C6: variants seen among roughly 807,000 people sequenced by gnomAD.
The protein encoded by C6 is complement component C6.
C6 carries 101 observed loss-of-function variants against 112.9 expected under a neutral mutation model. The observed-to-expected ratio is 0.89, with a 90% CI of 0.76 to 1.06. The LOEUF (loss-of-function observed/expected upper bound fraction) is 1.06. Among genes scored for constraint, C6 ranks in the 50% least tolerant of loss-of-function variants. The pLI is 0.00. For missense variants in C6, 1,202 were observed against 1,104.6 expected (o/e 1.09, Z -1.25); for synonymous variants, 431 against 384.1 (o/e 1.12, Z -1.43).
chr5:41,203,026 T>C, intron 2 of C6, 62 bp downstream of exon 2: 2 of 1,515,352 alleles, frequency 1.3e-6, no homozygotes, highest in South Asian at 2.3e-5. Flanking sequence ...ACTCCTGATG[T>C]TGCTGACTTC....
intron 17 of C6, among the ~76,000 whole-genome samples, chr5:41,149,007 A>G (rs981599517): frequency 1.3e-5 from 2 of 152,198 alleles, no homozygotes; most frequent in African/African-American, 4.8e-5. Context: ...GGTGGTACTG[A>G]TTACATATGC....
chr5:41,185,757 G>C (rs1003412633), intron 6 of C6, among the ~76,000 whole-genome samples: 1 of 152,142 alleles, frequency 6.6e-6, no homozygotes, highest in African/African-American at 2.4e-5. Context: ...TATCTGTGTG[G>C]AGCTATTTTA....
chr5:41,205,483 A>G (rs927128131), intron 1 of C6, among the ~76,000 whole-genome samples: 2 of 152,210 alleles, frequency 1.3e-5, no homozygotes, highest in African/African-American at 4.8e-5. Context: ...AAGGGAAGCC[A>G]TTACAGACAG....
intron 6 of C6, 63 bp downstream of exon 6, chr5:41,186,007 A>C (rs1052325157): frequency 1.9e-6 from 3 of 1,591,212 alleles, no homozygotes; most frequent in African/African-American, 1.3e-5. Flanking sequence ...CTAATTTTGC[A>C]TGAGAAATTT....
At chr5:41,179,759 CT>C (rs1441938897) in intron 7 of C6, among the ~76,000 whole-genome samples, 2 of 150,150 alleles carry the variant, frequency 1.3e-5, no homozygotes, top group African/African-American at 4.9e-5. Context: ...TTTTACATGT[CT>C]GTGTCACCAG....
intron 1 of C6, among the ~76,000 whole-genome samples, chr5:41,226,941 A>G (rs1315103124): frequency 2.0e-5 from 3 of 152,154 alleles, no homozygotes; most frequent in South Asian, 2.1e-4. Flanking sequence ...TCTCTTTGAC[A>G]TACTAATTTT....
chr5:41,172,401 A>C (rs1361600664), intron 8 of C6, 54 bp from the exon 9 acceptor site: 1 of 1,581,070 alleles, frequency 6.3e-7, no homozygotes, highest in African/African-American at 1.3e-5. Flanking sequence ...TGACAATTCA[A>C]AGAGGAACAT....
intron 1 of C6, among the ~76,000 whole-genome samples, chr5:41,205,960 C>T (rs1751404494): frequency 6.6e-6 from 1 of 152,214 alleles, no homozygotes; most frequent in African/African-American, 2.4e-5. Context: ...AACTGGGAAA[C>T]ACCTCCCAGT....
chr5:41,149,165 T>C, intron 17 of C6, 76 bp downstream of exon 17: 4 of 1,540,706 alleles, frequency 2.6e-6, no homozygotes, highest in South Asian at 1.1e-5. Flanking sequence ...GGATAGGTTA[T>C]TTTTAAGAAA....
chr5:41,231,452 A>G (rs1344193603), intron 1 of C6, among the ~76,000 whole-genome samples: 1 of 152,168 alleles, frequency 6.6e-6, no homozygotes, highest in African/African-American at 2.4e-5. Context: ...AAACCAGTCC[A>G]TTTTTAACTG....
intron 8 of C6, among the ~76,000 whole-genome samples, chr5:41,173,142 A>C (rs1025919882): frequency 6.6e-6 from 1 of 152,166 alleles, no homozygotes; most frequent in Non-Finnish European, 1.5e-5. Flanking sequence ...ATTGGGAATG[A>C]TATCTTCCTA....
intron 11 of C6, chr5:41,159,464 T>A: frequency 1.0e-6 from 1 of 985,258 alleles, no homozygotes; most frequent in Non-Finnish European, 1.2e-6. Context: ...TAAGCCTAAA[T>A]AAAATGGCAA....
intron 13 of C6, among the ~76,000 whole-genome samples, chr5:41,157,657 A>T (rs1299396154): frequency 1.3e-5 from 2 of 152,158 alleles, no homozygotes; most frequent in Non-Finnish European, 2.9e-5. Flanking sequence ...TGTGGCTCCT[A>T]AACCAGCAGC....
Position 41,199,863 on chromosome 5 carries a change from C to T in C6, c.350G>A (p.Cys117Tyr). Residue 117 changes from cysteine (C) to tyrosine (Y), a missense_variant, in exon 4 of 18, where the codon TGC (cysteine) becomes TAC (tyrosine). Coordinates refer to ENST00000337836, the MANE Select transcript of C6 (RefSeq NM_000065.5). ...TTGAAAGGCTACCAGAGGCGCAGTGCATGGCTGTCCCCCAAACTGACTGGG... is the reference window on the plus strand; with the variant it reads ...TTGAAAGGCTACCAGAGGCGCAGTGTATGGCTGTCCCCCAAACTGACTGGG... ...LRPSQFGGQP[C>Y]TAPLVAFQPC... 6.2e-7 allele frequency: 1 copy of T among 1,613,606 alleles called. No homozygotes were observed. Among genetic ancestry groups the T allele is most frequent in the South Asian group, 1.1e-5 (1 of 91,072 alleles).
chr5:41,170,363 G>A (rs1748323469), intron 9 of C6, among the ~76,000 whole-genome samples: 1 of 151,660 alleles, frequency 6.6e-6, no homozygotes, highest in African/African-American at 2.4e-5. Flanking sequence ...TAATGATTAT[G>A]TTTCTCAATG....
At chr5:41,215,650 G>A (rs1025624497), upstream of C6, among the ~76,000 whole-genome samples, 1 of 152,012 alleles carries the variant, frequency 6.6e-6, no homozygotes, top group Non-Finnish European at 1.5e-5. Context: ...TGACTGACCA[G>A]TAGAAAGCAT....
chr5:41,181,388 T>C lies in C6; in HGVS notation c.898A>G (p.Lys300Glu). 1 of 1,613,776 alleles carries C rather than the reference T, an allele frequency of 6.2e-7. No homozygotes were observed. The highest frequency in any genetic ancestry group is 2.2e-5 in the East Asian group (1 of 44,798). ...TTGTGAGAGGCTTGAATGGCTTGTT[T>C]GAAGGCAGAATTATGGTTGATATTT... ...SENINHNSAF[K>E]QAIQASHKKD... The change falls in exon 7 of 18, where the codon AAA (lysine) becomes GAA (glutamate). Residue 300 changes from lysine (K) to glutamate (E), a missense_variant. Transcript: ENST00000337836.
At position 41,259,517 on chromosome 5, in the gene C6, C is replaced by CA. The variant is rs56168478; in HGVS notation, c.-21+1676dup. The stretch of plus-strand genomic sequence containing the variant: ...CCCAATTTTCAGCCCCTGAAATTAC[C>CA]AAAAAAAAAAAAAAAAAATCTCTGT... On this transcript the variant is annotated intron_variant, in intron 1 of 17. Transcript: ENST00000263413. Among the ~76,000 whole-genome samples, 489 of 143,120 alleles carry CA rather than the reference C, an allele frequency of 3.4e-3. 4 individuals carry two copies. The highest frequency in any genetic ancestry group is 8.5e-3 in the East Asian group (41 of 4,810). 93.9% of individuals were successfully genotyped at this position (143,120 alleles called of 152,430 possible).
At chr5:41,233,228 T>A (rs545692715) in intron 1 of C6, among the ~76,000 whole-genome samples, 1 of 152,136 alleles carries the variant, frequency 6.6e-6, no homozygotes, top group East Asian at 1.9e-4. Context: ...AGGGAAATGA[T>A]AACTGCTCTA....
Sources: gnomAD v4.1 joint callset for allele counts (sites outside exome capture counted in the v4.1 genomes callset) on GRCh38, gnomAD v4.1.1 for gene constraint, MANE v1.5 for transcripts, NCBI Gene and HGNC (gene_info 2026-07-23, HGNC 2026-07-21) for gene names.